Variants in RHOT1 observed in about 807,000 individuals in gnomAD.
RHOT1 encodes mitochondrial Rho GTPase 1.
RHOT1 carries 27 observed loss-of-function variants against 95.3 expected under a neutral mutation model. That is an observed-to-expected ratio of 0.28 (90% CI 0.21 to 0.39). The LOEUF (loss-of-function observed/expected upper bound fraction) is 0.39. Ranked by LOEUF, RHOT1 falls within the 10% of genes least tolerant of loss-of-function variation. RHOT1 has a pLI of 1.00. For missense variants in RHOT1, 578 were observed against 786.7 expected (o/e 0.73, Z 3.17); for synonymous variants, 227 against 263.5 (o/e 0.86, Z 1.34).
intron 1 of RHOT1, among the ~76,000 whole-genome samples, chr17:32,148,804 G>A (rs1426341578): frequency 1.3e-5 from 2 of 152,214 alleles, no homozygotes; most frequent in Non-Finnish European, 2.9e-5. Flanking sequence ...AGTATGGCTG[G>A]TAGATTGGTA....
At chr17:32,198,321 A>C (rs138494515) in intron 11 of RHOT1, among the ~76,000 whole-genome samples, 1 of 152,242 alleles carries the variant, frequency 6.6e-6, no homozygotes, top group East Asian at 1.9e-4. Flanking sequence ...TATGAAGCTC[A>C]TAAGTATGAC....
At chr17:32,158,864 A>G (rs2033244633) in intron 1 of RHOT1, among the ~76,000 whole-genome samples, 1 of 152,206 alleles carries the variant, frequency 6.6e-6, no homozygotes, top group African/African-American at 2.4e-5. Context: ...ATACAATTCA[A>G]TTCAATTCTA....
chr17:32,189,907 A>G (rs1261997953), intron 8 of RHOT1, among the ~76,000 whole-genome samples: 1 of 151,390 alleles, frequency 6.6e-6, no homozygotes, highest in Admixed American at 6.6e-5. Flanking sequence ...TAATTTTTGT[A>G]TTTTTAGTAG....
chr17:32,217,117 A>T (rs1598470229), intron 19 of RHOT1, among the ~76,000 whole-genome samples: 1 of 152,236 alleles, frequency 6.6e-6, no homozygotes, highest in East Asian at 1.9e-4. Context: ...ACTAGTTAAC[A>T]TATAGATATT....
intron 11 of RHOT1, among the ~76,000 whole-genome samples, chr17:32,197,951 G>A (rs1332923147): frequency 6.6e-6 from 1 of 152,190 alleles, no homozygotes; most frequent in East Asian, 1.9e-4. Flanking sequence ...CTAGAGTGCA[G>A]TGGTGCAAAC....
intron 18 of RHOT1, chr17:32,209,648 G>A (rs1305952231): frequency 4.7e-6 from 2 of 427,584 alleles, no homozygotes; most frequent in Non-Finnish European, 8.5e-6. Flanking sequence ...TACAGTAACT[G>A]CAAGTGTGTT....
At chr17:32,192,325 T>A (rs2036545887) in intron 9 of RHOT1, 26 bp downstream of exon 9, 2 of 1,197,018 alleles carry the variant, frequency 1.7e-6, no homozygotes, top group Admixed American at 2.3e-5. Context: ...TTCAGACATT[T>A]GCGTATCTTT....
Position 32,176,034 on chromosome 17 carries a change from T to C in RHOT1, c.276+19T>C, listed in dbSNP as rs2034975273. 2 of 1,604,178 alleles carry C rather than the reference T, an allele frequency of 1.2e-6. No homozygotes were observed. Among genetic ancestry groups the C allele is most frequent in the East Asian group, 2.2e-5 (1 of 44,800 alleles). ...TGATAAGGTAGGTGTGATCTTTTTTTCCCTATAGTTGGTTTCAGTGGAGTG... is the reference window on the plus strand; with the variant it reads ...TGATAAGGTAGGTGTGATCTTTTTTCCCCTATAGTTGGTTTCAGTGGAGTG... On this transcript the variant is annotated intron_variant, in intron 5 of 19. Coordinates refer to ENST00000545287, the MANE Select transcript of RHOT1 (RefSeq NM_001033566.3).
intron 2 of RHOT1, among the ~76,000 whole-genome samples, chr17:32,173,520 G>A (rs902631534): frequency 3.9e-5 from 6 of 152,080 alleles, no homozygotes; most frequent in South Asian, 2.1e-4. Context: ...CAAGACTAGC[G>A]TGGCCAAGAT....
rs781398420 is a variant in RHOT1, at chr17:32,211,096, CCTT to C, written c.1740-17_1740-15del. 6.3e-7 allele frequency: 1 copy of C among 1,590,398 alleles called. No homozygotes were observed. Among genetic ancestry groups the C allele is most frequent in the Non-Finnish European group, 8.6e-7 (1 of 1,162,702 alleles). On this transcript the variant is annotated splice_polypyrimidine_tract_variant and intron_variant, in intron 18 of 19. Coordinates refer to ENST00000545287, the MANE Select transcript of RHOT1 (RefSeq NM_001033566.3). ...TTGTAAGTAAGAACTCAACTCCTGTCCTTCTGTGTGTTTTCGCAGCCATGCCCG... is the reference window on the plus strand; with the variant it reads ...TTGTAAGTAAGAACTCAACTCCTGTCCTGTGTGTTTTCGCAGCCATGCCCG...
At chr17:32,149,635 A>ATATGTGTGTGTGTGTGTGTGTGTGTGTG (rs1445281403) in intron 1 of RHOT1, among the ~76,000 whole-genome samples, 1 of 59,098 alleles carries the variant, frequency 1.7e-5, no homozygotes, top group Non-Finnish European at 3.4e-5. Context: ...ATATATATAT[A>ATATGTGTGTGTGTGTGTGTGTGTGTGTG]TGTGTGTGTG....
intron 8 of RHOT1, among the ~76,000 whole-genome samples, chr17:32,188,507 A>G (rs1322424168): frequency 6.6e-6 from 1 of 152,228 alleles, no homozygotes; most frequent in African/African-American, 2.4e-5. Context: ...ATATTTGTGC[A>G]AAGAGACATT....
chr17:32,173,519 C>T (rs1021361724), intron 2 of RHOT1, among the ~76,000 whole-genome samples: 14 of 151,978 alleles, frequency 9.2e-5, no homozygotes, highest in Non-Finnish European at 1.9e-4. Context: ...TCAAGACTAG[C>T]GTGGCCAAGA....
intron 3 of RHOT1, among the ~76,000 whole-genome samples, chr17:32,174,284 G>C (rs570408346): frequency 6.6e-6 from 1 of 152,296 alleles, no homozygotes; most frequent in South Asian, 2.1e-4. Context: ...AGTACATGTT[G>C]AAATTTAAAT....
At chr17:32,209,293 C>T in intron 18 of RHOT1, 1 of 958,760 alleles carries the variant, frequency 1.0e-6, no homozygotes, top group Non-Finnish European at 1.5e-6. Context: ...ATAGAATAAC[C>T]AAAACCTTAT....
At chr17:32,143,843 T>G (rs1436997800) in intron 1 of RHOT1, among the ~76,000 whole-genome samples, 1 of 152,250 alleles carries the variant, frequency 6.6e-6, no homozygotes, top group Non-Finnish European at 1.5e-5. Flanking sequence ...TGGTAACCCC[T>G]CAGGGTCACC....
At chr17:32,191,278 T>G (rs538335351) in intron 8 of RHOT1, among the ~76,000 whole-genome samples, 1 of 152,350 alleles carries the variant, frequency 6.6e-6, no homozygotes, top group East Asian at 1.9e-4. Flanking sequence ...AAAGAATTTC[T>G]TTTCTGCATT....
intron 1 of RHOT1, among the ~76,000 whole-genome samples, chr17:32,158,533 C>T (rs528083732): frequency 4.5e-4 from 68 of 152,188 alleles, no homozygotes; most frequent in African/African-American, 1.5e-3. Flanking sequence ...AATCTCGGCT[C>T]ACTGCAACAC....
intron 1 of RHOT1, among the ~76,000 whole-genome samples, chr17:32,163,752 AAAAC>A (rs897788444): frequency 6.6e-6 from 1 of 152,162 alleles, no homozygotes; most frequent in Non-Finnish European, 1.5e-5. Flanking sequence ...AGGGAAAAAA[AAAAC>A]AAAGAATGTT....
Sources: gnomAD v4.1 joint callset for allele counts (sites outside exome capture counted in the v4.1 genomes callset) on GRCh38, gnomAD v4.1.1 for gene constraint, MANE v1.5 for transcripts, NCBI Gene and HGNC (gene_info 2026-07-23, HGNC 2026-07-21) for gene names.